Variants in ZNF503 observed in about 807,000 individuals in gnomAD.
The protein encoded by ZNF503 is zinc finger protein 503, also known as NocA-like zinc finger 2.
A neutral mutation model predicts 34.4 loss-of-function variants in ZNF503; 15 were observed. The observed-to-expected ratio is 0.44, with a 90% CI of 0.29 to 0.67. ZNF503 has a LOEUF of 0.67. Among genes scored for constraint, ZNF503 ranks in the 30% least tolerant of loss-of-function variants. The pLI, the probability that ZNF503 is intolerant of heterozygous loss-of-function variation, is 0.13. For synonymous variants in ZNF503, 580 were observed against 456.8 expected, an observed-to-expected ratio of 1.27 and a Z score of -3.44; for missense variants, 1,007 against 926.8, an observed-to-expected ratio of 1.09 and a Z score of -1.12.
chr10:75,389,963 G>A, the ZNF503 span, among the ~76,000 whole-genome samples: 2 of 152,000 alleles, frequency 1.3e-5, no homozygotes, highest in South Asian at 2.1e-4. Context: ...TGCGATCTGC[G>A]CTCACTGCAA....
chr10:75,284,758 G>C, the ZNF503 span, among the ~76,000 whole-genome samples: 1 of 152,136 alleles, frequency 6.6e-6, no homozygotes, highest in Non-Finnish European at 1.5e-5. Flanking sequence ...TTAACTAAGG[G>C]GAGAGTCAGT....
At chr10:75,363,623 C>T in the ZNF503 span, among the ~76,000 whole-genome samples, 3 of 152,180 alleles carry the variant, frequency 2.0e-5, no homozygotes, top group African/African-American at 7.2e-5. Context: ...CTCCACAGCC[C>T]TAGGGGGCAC....
At chr10:75,318,709 A>G in the ZNF503 span, among the ~76,000 whole-genome samples, 1 of 151,902 alleles carries the variant, frequency 6.6e-6, no homozygotes, top group Non-Finnish European at 1.5e-5. Context: ...TGTCACTAGC[A>G]GAACTATTCT....
At chr10:75,363,153 G>A in the ZNF503 span, among the ~76,000 whole-genome samples, 1 of 152,076 alleles carries the variant, frequency 6.6e-6, no homozygotes, top group Non-Finnish European at 1.5e-5. Flanking sequence ...TGCCAGCTAT[G>A]GAAGCCCAGC....
At chr10:75,356,462 G>A in the ZNF503 span, among the ~76,000 whole-genome samples, 19 of 152,358 alleles carry the variant, frequency 1.2e-4, no homozygotes, top group Middle Eastern at 0.01. Flanking sequence ...TGATCCGCCT[G>A]CCTCAGCCTC....
At chr10:75,358,577 G>C in the ZNF503 span, 2 of 152,116 alleles carry the variant, frequency 1.3e-5, no homozygotes, top group Admixed American at 1.3e-4. Flanking sequence ...GGTGGGAAAG[G>C]CAGGAGGGGA....
chr10:75,298,474 T>C, the ZNF503 span, among the ~76,000 whole-genome samples: 1 of 152,230 alleles, frequency 6.6e-6, no homozygotes, highest in Non-Finnish European at 1.5e-5. Context: ...CCTGGCTTCT[T>C]TCACTCAGTA....
the ZNF503 span, among the ~76,000 whole-genome samples, chr10:75,327,718 C>G: frequency 6.6e-6 from 1 of 152,024 alleles, no homozygotes; most frequent in Non-Finnish European, 1.5e-5. Flanking sequence ...TTCCACTAAC[C>G]GTGTGTAATA....
At chr10:75,362,157 G>A in the ZNF503 span, among the ~76,000 whole-genome samples, 3 of 152,054 alleles carry the variant, frequency 2.0e-5, no homozygotes, top group East Asian at 3.9e-4. Context: ...ATAGCCCTGC[G>A]CCCTTCCATC....
chr10:75,401,717 G>A lies in ZNF503; in HGVS notation c.-298C>T. ...CGCTGCGTTCTCGCGGCCCCGCGCC[G>A]GCGCTGCGCTCTGCGATGCGAGCCG... On this transcript the variant is annotated 5_prime_UTR_variant, in exon 1 of 2. Transcript: ENST00000372524. The A allele has an allele frequency of 2.5e-6, 1 of 401,106 alleles. No homozygotes were observed. Among genetic ancestry groups the A allele is most frequent in the Non-Finnish European group, 4.4e-6 (1 of 226,926 alleles). 24.8% of individuals were successfully genotyped at this position (401,106 alleles called of 1,614,324 possible). A position where few individuals can be genotyped will look rare whatever the true frequency, so the allele number is the denominator to read the frequency against.
chr10:75,351,570 G>A, the ZNF503 span, among the ~76,000 whole-genome samples: 15 of 152,128 alleles, frequency 9.9e-5, no homozygotes, highest in African/African-American at 3.6e-4. Context: ...GATACAGATG[G>A]GGTTCAGAAG....
chr10:75,339,727 C>T, the ZNF503 span, among the ~76,000 whole-genome samples: 1 of 151,962 alleles, frequency 6.6e-6, no homozygotes, highest in Non-Finnish European at 1.5e-5. Flanking sequence ...GGGGCAAAGG[C>T]GAATGGTATG....
At chr10:75,374,893 A>G in the ZNF503 span, among the ~76,000 whole-genome samples, 1 of 152,202 alleles carries the variant, frequency 6.6e-6, no homozygotes, top group Non-Finnish European at 1.5e-5. Context: ...AAAAGTCCCC[A>G]AGCTTGGCTA....
chr10:75,302,625 T>C, the ZNF503 span, among the ~76,000 whole-genome samples: 2 of 152,330 alleles, frequency 1.3e-5, no homozygotes, highest in African/African-American at 2.4e-5. Context: ...ACCCAGGATA[T>C]GTGAGGAATC....
chr10:75,397,656 GGCCAACTTC>G (rs1843716979), downstream of ZNF503, among the ~76,000 whole-genome samples: 1 of 152,118 alleles, frequency 6.6e-6, no homozygotes, highest in Non-Finnish European at 1.5e-5. Context: ...TGTTCCCCAA[GGCCAACTTC>G]GCGGCTGGTA....
At chr10:75,395,600 G>A (rs528067367), downstream of ZNF503, among the ~76,000 whole-genome samples, 2 of 152,260 alleles carry the variant, frequency 1.3e-5, no homozygotes, top group East Asian at 3.9e-4. The surrounding 1 kb of genome is among the most constrained non-coding windows in gnomAD (Gnocchi z 4.4). Flanking sequence ...GCGCCTTGGG[G>A]AGGGGCATTT....
downstream of ZNF503, among the ~76,000 whole-genome samples, chr10:75,397,151 G>GA (rs1843709627): frequency 6.8e-6 from 1 of 146,000 alleles, no homozygotes; most frequent in African/African-American, 2.5e-5. Flanking sequence ...CCCGGACGGG[G>GA]AAAAGCAGCG....
At chr10:75,327,495 A>G in the ZNF503 span, among the ~76,000 whole-genome samples, 3 of 152,104 alleles carry the variant, frequency 2.0e-5, no homozygotes, top group Non-Finnish European at 4.4e-5. Flanking sequence ...TTATCCATTC[A>G]TATGTTGGTA....
chr10:75,321,037 T>C, the ZNF503 span, among the ~76,000 whole-genome samples: 1 of 152,284 alleles, frequency 6.6e-6, no homozygotes, highest in South Asian at 2.1e-4. Flanking sequence ...GGGCAGTTTC[T>C]CACGAATGGT....
Sources: gnomAD v4.1 joint callset for allele counts (sites outside exome capture counted in the v4.1 genomes callset) on GRCh38, gnomAD v4.1.1 for gene constraint, Gnocchi (gnomAD v3.1) non-coding constraint, MANE v1.5 for transcripts, NCBI Gene and HGNC (gene_info 2026-07-23, HGNC 2026-07-21) for gene names.